Variants in DMXL1 observed in about 807,000 individuals in gnomAD.
The protein encoded by DMXL1 is Dmx like 1, also known as dmX-like protein 1.
DMXL1 carries 99 observed loss-of-function variants against 319.2 expected under a neutral mutation model. That is an observed-to-expected ratio of 0.31 (90% CI 0.26 to 0.37). DMXL1 has a LOEUF of 0.37. DMXL1 is among the 10% of genes least tolerant of loss of function. DMXL1 has a pLI of 1.00. For missense variants in DMXL1, 3,745 were observed against 3,595.6 expected, an observed-to-expected ratio of 1.04 and a Z score of -1.06; for synonymous variants, 1,385 against 1,235.2, an observed-to-expected ratio of 1.12 and a Z score of -2.54.
chr5:119,241,423 T>TG (rs1788776270), intron 42 of DMXL1, among the ~76,000 whole-genome samples: 2 of 150,718 alleles, frequency 1.3e-5, no homozygotes, highest in South Asian at 4.2e-4. Context: ...TAGTCCTAGC[T>TG]ACTTGGGAGG....
chr5:119,105,677 C>G (rs1373917719), intron 4 of DMXL1, among the ~76,000 whole-genome samples: 1 of 152,026 alleles, frequency 6.6e-6, no homozygotes, highest in African/African-American at 2.4e-5. Flanking sequence ...GGGCAGATCA[C>G]CTGAGGTTGG....
chr5:119,236,186 C>T (rs1446090691), intron 39 of DMXL1: 1 of 152,006 alleles, frequency 6.6e-6, no homozygotes, highest in African/African-American at 2.4e-5. Flanking sequence ...GAGACTTATT[C>T]TTGTCTGCAT....
chr5:119,183,943 T>C (rs1428502592), intron 28 of DMXL1, among the ~76,000 whole-genome samples: 2 of 152,340 alleles, frequency 1.3e-5, no homozygotes, highest in East Asian at 3.9e-4. Flanking sequence ...GATTTTTACA[T>C]GTAATTATTC....
intron 1 of DMXL1, among the ~76,000 whole-genome samples, chr5:119,074,026 C>G (rs768959440): frequency 6.6e-6 from 1 of 151,738 alleles, no homozygotes; most frequent in Non-Finnish European, 1.5e-5. Context: ...TCAAGAGATT[C>G]TCCTGCCTCA....
chr5:119,213,079 C>T (rs1240394641), intron 34 of DMXL1, among the ~76,000 whole-genome samples: 1 of 152,180 alleles, frequency 6.6e-6, no homozygotes, highest in African/African-American at 2.4e-5. Context: ...TTTATTAGCA[C>T]AAATCCAAAA....
At chr5:119,218,656 C>T (rs1400846422) in intron 35 of DMXL1, among the ~76,000 whole-genome samples, 5 of 152,040 alleles carry the variant, frequency 3.3e-5, no homozygotes, top group Non-Finnish European at 1.5e-5. Context: ...GGCGTTTCAC[C>T]ATGTTGGTTG....
intron 34 of DMXL1, among the ~76,000 whole-genome samples, chr5:119,216,661 A>T (rs1220845581): frequency 6.6e-6 from 1 of 152,166 alleles, no homozygotes; most frequent in Non-Finnish European, 1.5e-5. Context: ...TAGCCACTTA[A>T]TGAAGTTGTA....
chr5:119,154,923 TAG>T (rs1268661406), intron 19 of DMXL1, among the ~76,000 whole-genome samples: 12 of 152,238 alleles, frequency 7.9e-5, no homozygotes, highest in Non-Finnish European at 1.8e-4. Context: ...CTGAAAATCC[TAG>T]AGTGTTTAAG....
chr5:119,089,742 C>G lies in DMXL1; in HGVS notation c.88-8237C>G, dbSNP rs190046945. Among the ~76,000 whole-genome samples, 686 of 150,976 alleles carry G rather than the reference C, an allele frequency of 4.5e-3. 4 individuals are homozygous for G. Among genetic ancestry groups the G allele is most frequent in the Middle Eastern group, 0.014 (4 of 294 alleles). On this transcript the variant is annotated intron_variant, in intron 1 of 43. Transcript: ENST00000539542. ...CTGGGTTCAAGCAATTCTTCTGGCT[C>G]AGCTTTCCTGAGTAGCTGGGATTAC...
In DMXL1 at chr5:119,146,100, G is replaced by A. The variant is rs1353553436; in HGVS notation, c.2570-737G>A. Reference sequence around the variant, plus strand: ...TTACCTTTTTTAATTTTTTTGCTATGCAAATTTATAAAAGGGCAAAGTCTT... The same window carrying A: ...TTACCTTTTTTAATTTTTTTGCTATACAAATTTATAAAAGGGCAAAGTCTT... On this transcript the variant is annotated intron_variant, in intron 15 of 43. Transcript: ENST00000539542. Among the ~76,000 whole-genome samples, 4 of 151,716 alleles carry A rather than the reference G, an allele frequency of 2.6e-5. No homozygotes were observed. The East Asian group carries it at 7.7e-4, about 29-fold the overall frequency.
At chr5:119,246,663 C>T (rs151191457) in intron 43 of DMXL1, among the ~76,000 whole-genome samples, 1,446 of 105,356 alleles carry the variant, frequency 0.014, 20 homozygotes, top group Middle Eastern at 0.095. Context: ...GATGGAGTTT[C>T]ACTCTTGTTG....
At chr5:119,115,774 A>G (rs1313173338) in intron 6 of DMXL1, among the ~76,000 whole-genome samples, 1 of 152,176 alleles carries the variant, frequency 6.6e-6, no homozygotes, top group African/African-American at 2.4e-5. Flanking sequence ...CATGAAAAGT[A>G]TCTCTTTTTT....
chr5:119,140,455 C>T (rs1419535587), intron 13 of DMXL1, among the ~76,000 whole-genome samples: 1 of 152,062 alleles, frequency 6.6e-6, no homozygotes, highest in African/African-American at 2.4e-5. Flanking sequence ...GAAATAAAAA[C>T]AATAATCAGA....
chr5:119,173,361 A>G (rs1351834874), intron 25 of DMXL1, among the ~76,000 whole-genome samples: 1 of 151,954 alleles, frequency 6.6e-6, no homozygotes, highest in African/African-American at 2.4e-5. Context: ...CAAAAAAAAA[A>G]AAAAAACTGT....
chr5:119,116,629 T>C (rs1374909897), intron 7 of DMXL1, among the ~76,000 whole-genome samples: 1 of 152,250 alleles, frequency 6.6e-6, no homozygotes, highest in African/African-American at 2.4e-5. Flanking sequence ...TTGTGTCTAA[T>C]TCTGTCATCT....
intron 43 of DMXL1, 80 bp downstream of exon 43, chr5:119,244,656 A>G (rs1346139093): frequency 1.8e-5 from 17 of 947,566 alleles, no homozygotes; most frequent in South Asian, 9.6e-5. Context: ...GATGACATCA[A>G]TCTATTTAAA....
rs567630877 is a variant in DMXL1 at position 119,093,534 on chromosome 5, A to G, written c.88-4445A>G. Among the ~76,000 whole-genome samples the G allele has an allele frequency of 1.6e-4, 25 of 152,304 alleles. No individual in the cohort carries two copies. The East Asian group carries it at 2.7e-3, about 16-fold the overall frequency. On this transcript the variant is annotated intron_variant, in intron 1 of 43. Coordinates refer to ENST00000539542, the MANE Select transcript of DMXL1 (RefSeq NM_001290321.3). Reference sequence around the variant, plus strand: ...CAATGAACTGCGCTCAGACCTCCCTATTCACTGAGACACAATGATATAGAA... The same window carrying G: ...CAATGAACTGCGCTCAGACCTCCCTGTTCACTGAGACACAATGATATAGAA...
At chr5:119,206,521 A>C (rs1472488739) in intron 33 of DMXL1, 2 of 178,718 alleles carry the variant, frequency 1.1e-5, no homozygotes, top group African/African-American at 4.7e-5. Flanking sequence ...TGATTATTTT[A>C]ATATAAAGTA....
chr5:119,131,831 A>T (rs552849003), intron 10 of DMXL1, among the ~76,000 whole-genome samples: 1 of 152,312 alleles, frequency 6.6e-6, no homozygotes, highest in African/African-American at 2.4e-5. Context: ...CCCATTTCTT[A>T]TTAATATGAA....
Sources: gnomAD v4.1 joint callset for allele counts (sites outside exome capture counted in the v4.1 genomes callset) on GRCh38, gnomAD v4.1.1 for gene constraint, MANE v1.5 for transcripts, NCBI Gene and HGNC (gene_info 2026-07-23, HGNC 2026-07-21) for gene names.